RUBCN: variants seen among roughly 807,000 people sequenced by gnomAD.
RUBCN encodes rubicon autophagy regulator, also known as run domain Beclin-1-interacting and cysteine-rich domain-containing protein.
RUBCN carries 74 observed loss-of-function variants against 113.2 expected under a neutral mutation model. The ratio of observed to expected loss-of-function variants is 0.65; its 90% CI spans 0.54 to 0.79. RUBCN has a LOEUF of 0.79. Ranked by LOEUF, RUBCN falls within the 30% of genes least tolerant of loss-of-function variation. The probability of loss-of-function intolerance (pLI) is 0.00; values close to 1 mark genes in which losing one functional copy is unlikely to be tolerated. For synonymous variants in RUBCN, 480 were observed against 490.0 expected (o/e 0.98, Z 0.27); for missense variants, 1,109 against 1,251.7 (o/e 0.89, Z 1.72).
intron 4 of RUBCN, among the ~76,000 whole-genome samples, chr3:197,703,936 C>A (rs919866006): frequency 1.3e-5 from 2 of 152,162 alleles, no homozygotes; most frequent in African/African-American, 4.8e-5. Context: ...AGCACCAATG[C>A]CCAACTCTCG....
Position 197,674,727 on chromosome 3 carries a change from T to C in RUBCN, c.*291A>G, listed in dbSNP as rs546949867. ...GCTGGAAGAACTTGGTCTTGCTGTC[T>C]CTTCCACTGACAGAGGCACTAGAAG... On this transcript the variant is annotated 3_prime_UTR_variant, in exon 20 of 20. Transcript: ENST00000296343. The C allele has an allele frequency of 3.5e-4, 166 of 475,180 alleles. 1 individual carries two copies. The highest frequency in any genetic ancestry group is 3.0e-3 in the African/African-American group (151 of 49,662). 29.4% of individuals were successfully genotyped at this position (475,180 alleles called of 1,614,324 possible). A position where few individuals can be genotyped will look rare whatever the true frequency, so the allele number is the denominator to read the frequency against.
At chr3:197,726,626 G>A (rs1183020661) in intron 1 of RUBCN, among the ~76,000 whole-genome samples, 1 of 151,648 alleles carries the variant, frequency 6.6e-6, no homozygotes, top group Admixed American at 6.6e-5. Flanking sequence ...TGCAACCTCT[G>A]CCTCCTGGGT....
chr3:197,712,884 A>G, intron 2 of RUBCN, among the ~76,000 whole-genome samples: 1 of 146,658 alleles, frequency 6.8e-6, no homozygotes, highest in African/African-American at 2.6e-5. Context: ...TCTGAGATGG[A>G]GTTTCGCTCT....
intron 7 of RUBCN, among the ~76,000 whole-genome samples, chr3:197,697,680 G>C (rs1231214159): frequency 6.6e-6 from 1 of 152,186 alleles, no homozygotes; most frequent in Non-Finnish European, 1.5e-5. Flanking sequence ...GCGAGAGCTG[G>C]GAGGGAGAAC....
Position 197,709,403 on chromosome 3 carries a change from C to T in RUBCN, c.220-4228G>A, listed in dbSNP as rs937150743. Among the ~76,000 whole-genome samples the T allele has an allele frequency of 2.6e-5, 4 of 151,920 alleles. No individual in the cohort carries two copies. The East Asian group carries it at 7.7e-4, about 29-fold the overall frequency. On this transcript the variant is annotated intron_variant, in intron 2 of 19. Coordinates refer to ENST00000296343, the MANE Select transcript of RUBCN (RefSeq NM_014687.4). The stretch of plus-strand genomic sequence containing the variant: ...CTATGGGTTTTTTTTTTCTTTGAGA[C>T]GGAGTTTCTCTCTGTTGCCCAAGCT...
intron 11 of RUBCN, chr3:197,691,088 G>T: frequency 7.8e-7 from 1 of 1,289,210 alleles, no homozygotes; most frequent in Non-Finnish European, 1.0e-6. Context: ...GAACATCGAG[G>T]CCAGTGACAC....
At chr3:197,723,702 G>A (rs1004604132) in intron 1 of RUBCN, among the ~76,000 whole-genome samples, 1 of 152,098 alleles carries the variant, frequency 6.6e-6, no homozygotes, top group African/African-American at 2.4e-5. Context: ...TCAGAGAGTT[G>A]AAATACTAAA....
chr3:197,726,270 G>A (rs576041396), intron 1 of RUBCN, among the ~76,000 whole-genome samples: 45 of 151,196 alleles, frequency 3.0e-4, no homozygotes, highest in African/African-American at 9.7e-4. Context: ...TTTTTGAGAC[G>A]GAGTCTCGCT....
At chr3:197,677,599 T>C (rs1720591776) in intron 16 of RUBCN, 58 bp from the exon 17 acceptor site, 1 of 1,526,510 alleles carries the variant, frequency 6.6e-7, no homozygotes, top group South Asian at 1.1e-5. Context: ...AGGAATCCAG[T>C]GTGGGAAGCC....
intron 18 of RUBCN, chr3:197,676,515 G>T: frequency 1.3e-6 from 1 of 793,120 alleles, no homozygotes; most frequent in Non-Finnish European, 1.6e-6. Context: ...GTTTCATCAT[G>T]TTCGTCAGGC....
chr3:197,748,283 G>A (rs990447648), intron 1 of RUBCN: 1 of 152,138 alleles, frequency 6.6e-6, no homozygotes, highest in African/African-American at 2.4e-5. Context: ...TTCAGGGTGA[G>A]AGAGTAGTAA....
chr3:197,696,947 T>G lies in RUBCN; in HGVS notation c.1357+7A>C. On this transcript the variant is annotated splice_region_variant and intron_variant, in intron 8 of 19. Transcript: ENST00000296343. ...ACAATTTTAGCCCTGGCCTTCCTAG[T>G]ACTCACCATATTCCATGTACAGAGA... is the stretch of plus-strand genomic sequence containing the variant. 1 of 1,510,762 alleles carries G rather than the reference T, an allele frequency of 6.6e-7. No individual in the cohort carries two copies. Among genetic ancestry groups the G allele is most frequent in the South Asian group, 1.1e-5 (1 of 89,014 alleles). 93.6% of individuals were successfully genotyped at this position (1,510,762 alleles called of 1,614,324 possible). A position where few individuals can be genotyped will look rare whatever the true frequency, so the allele number is the denominator to read the frequency against.
intron 1 of RUBCN, among the ~76,000 whole-genome samples, chr3:197,724,765 A>G (rs1726552558): frequency 6.6e-6 from 1 of 152,276 alleles, no homozygotes; most frequent in Admixed American, 6.5e-5. Flanking sequence ...AATTAGATTT[A>G]CGATCTCAAC....
rs369029082 is a variant in RUBCN, at chr3:197,719,476, C to CAA, written c.66-1348_66-1347dup. Among the ~76,000 whole-genome samples the CAA allele has an allele frequency of 7.0e-3, 369 of 52,816 alleles. 3 individuals carry two copies. Among genetic ancestry groups the CAA allele is most frequent in the Middle Eastern group, 0.02 (2 of 102 alleles). 34.6% of individuals were successfully genotyped at this position (52,816 alleles called of 152,430 possible). A position where few individuals can be genotyped will look rare whatever the true frequency, so the allele number is the denominator to read the frequency against. On this transcript the variant is annotated intron_variant, in intron 1 of 19. Transcript: ENST00000296343. The stretch of plus-strand genomic sequence containing the variant: ...CTGGGCAACAAGTGTGAGATTGTCT[C>CAA]AAAAAAAAAAAAAAAAAAAAAAGAA...
At chr3:197,729,996 T>C (rs1727232648) in intron 1 of RUBCN, among the ~76,000 whole-genome samples, 1 of 152,198 alleles carries the variant, frequency 6.6e-6, no homozygotes, top group Admixed American at 6.5e-5. Context: ...TAAAATATTA[T>C]AGTAGCTTTG....
At chr3:197,687,671 C>A (rs1023384807) in intron 11 of RUBCN, among the ~76,000 whole-genome samples, 19 of 152,214 alleles carry the variant, frequency 1.2e-4, no homozygotes, top group African/African-American at 4.3e-4. Context: ...CGGCACCTGC[C>A]GGAAGAGCTT....
intron 2 of RUBCN, among the ~76,000 whole-genome samples, chr3:197,715,463 C>T (rs985030664): frequency 2.6e-5 from 4 of 152,028 alleles, no homozygotes; most frequent in Non-Finnish European, 4.4e-5. Context: ...CTCGGATTGT[C>T]CTAGGATGCT....
At chr3:197,718,237 A>G in intron 1 of RUBCN, 107 bp from the exon 2 acceptor site, 1 of 1,198,708 alleles carries the variant, frequency 8.3e-7, no homozygotes, top group East Asian at 2.4e-5. Context: ...ACATCCTAAC[A>G]TTCTCTCCCC....
At chr3:197,699,768 C>T (rs555526113) in intron 7 of RUBCN, among the ~76,000 whole-genome samples, 5 of 152,300 alleles carry the variant, frequency 3.3e-5, no homozygotes, top group Admixed American at 2.0e-4. Flanking sequence ...GAGAAAGCAA[C>T]GCTATCTCCA....
Sources: gnomAD v4.1 joint callset for allele counts (sites outside exome capture counted in the v4.1 genomes callset) on GRCh38, gnomAD v4.1.1 for gene constraint, MANE v1.5 for transcripts, NCBI Gene and HGNC (gene_info 2026-07-23, HGNC 2026-07-21) for gene names.